The following CCDC74A variants were observed in gnomAD, a reference collection of about 807,000 sequenced individuals.
CCDC74A encodes coiled-coil domain-containing protein 74A.
Under a neutral mutation model 37.6 loss-of-function variants are expected in CCDC74A, and 38 were observed. That is an observed-to-expected ratio of 1.01 (90% CI 0.78 to 1.33). CCDC74A has a LOEUF of 1.33. Ranked by LOEUF, CCDC74A falls within the 40% of genes most tolerant of loss-of-function variation. The probability of loss-of-function intolerance (pLI) is 0.00; values close to 1 mark genes in which losing one functional copy is unlikely to be tolerated. For synonymous variants in CCDC74A, 134 were observed against 165.2 expected (o/e 0.81, Z 1.45); for missense variants, 340 against 403.4 (o/e 0.84, Z 1.35).
In CCDC74A at chr2:131,533,350, G is replaced by A. The variant is rs143761046; in HGVS notation, c.891G>A (p.Lys297=). The A allele has an allele frequency of 1.1e-4, 170 of 1,613,558 alleles. 3 individuals are homozygous for A. The Middle Eastern group carries it at 2.9e-3, about 27-fold the overall frequency. Residue 297 remains lysine (K), a synonymous_variant, in exon 8 of 8, where the codon AAG becomes AAA. Transcript: ENST00000409856. ...TPKNNFAERQ[K]RLQAMQKRRL... The stretch of plus-strand genomic sequence containing the variant: ...AGAACAACTTTGCCGAGAGGCAGAA[G>A]AGGCTGCAGGCAATGCAGAAACGGC...
chr2:131,527,175 T>C (rs887799200), upstream of CCDC74A, among the ~76,000 whole-genome samples: 16 of 152,102 alleles, frequency 1.1e-4, no homozygotes, highest in Admixed American at 2.6e-4. Context: ...AATGGCGCGA[T>C]CTTGGCTCAC....
chr2:131,531,091 G>A (rs1049516408), intron 3 of CCDC74A, among the ~76,000 whole-genome samples: 4 of 152,138 alleles, frequency 2.6e-5, no homozygotes, highest in African/African-American at 7.2e-5. Context: ...AGGCAGGAGG[G>A]GCCTCCCCGG....
chr2:131,525,592 G>A (rs541909939), upstream of CCDC74A, among the ~76,000 whole-genome samples: 7 of 152,116 alleles, frequency 4.6e-5, no homozygotes, highest in East Asian at 1.3e-3. Context: ...CTGTTGCTCG[G>A]GATGGAGTGC....
intron 1 of CCDC74A, chr2:131,528,704 G>T: frequency 2.5e-6 from 1 of 396,426 alleles, no homozygotes; most frequent in Non-Finnish European, 4.8e-6. Flanking sequence ...CCAGCTACTC[G>T]GGAGGCTGAA....
upstream of CCDC74A, among the ~76,000 whole-genome samples, chr2:131,526,097 T>G (rs1680302559): frequency 6.6e-6 from 1 of 151,374 alleles, no homozygotes; most frequent in East Asian, 1.9e-4. Flanking sequence ...ATTAGAGGTG[T>G]GAGCCACTGT....
Position 131,532,790 on chromosome 2 carries a change from C to T in CCDC74A, c.678+9C>T, listed in dbSNP as rs748861919. On this transcript the variant is annotated intron_variant, in intron 5 of 7. Coordinates refer to ENST00000409856, the MANE Select transcript of CCDC74A (RefSeq NM_001258306.3). ...TCCTGCAGACCCAAGAGGTGAGGCC[C>T]TGGGTGGTGGGGGTGGCCCTGGGCA... 2 of 1,613,258 alleles carry T rather than the reference C, an allele frequency of 1.2e-6. No homozygotes were observed. The highest frequency in any genetic ancestry group is 2.7e-5 in the African/African-American group (2 of 75,020).
At chr2:131,530,349 T>C in intron 2 of CCDC74A, 1 of 1,545,898 alleles carries the variant, frequency 6.5e-7, no homozygotes, top group Non-Finnish European at 8.7e-7. Flanking sequence ...ACATCGCAGC[T>C]GGGGCAGTGC....
chr2:131,529,825 G>A, intron 2 of CCDC74A, 134 bp downstream of exon 2: 2 of 1,530,014 alleles, frequency 1.3e-6, no homozygotes, highest in East Asian at 4.6e-5. Context: ...GGGGGACCTG[G>A]ACAGATGCCG....
At chr2:131,527,853 G>A (rs183175490), upstream of CCDC74A, 150 of 1,393,828 alleles carry the variant, frequency 1.1e-4, no homozygotes, top group African/African-American at 2.1e-3. Flanking sequence ...CCCCGCCCCC[G>A]CCAACCGCCT....
upstream of CCDC74A, among the ~76,000 whole-genome samples, chr2:131,525,603 A>T (rs915253019): frequency 4.6e-5 from 7 of 151,960 alleles, no homozygotes; most frequent in South Asian, 1.5e-3. Flanking sequence ...GATGGAGTGC[A>T]GTGGCAGGAT....
upstream of CCDC74A, among the ~76,000 whole-genome samples, chr2:131,525,426 C>T (rs895409773): frequency 4.6e-5 from 7 of 152,166 alleles, no homozygotes; most frequent in African/African-American, 1.4e-4. Context: ...CTATATTGCC[C>T]AGGCTGGTCT....
upstream of CCDC74A, among the ~76,000 whole-genome samples, chr2:131,526,899 TA>T (rs555952482): frequency 1.1e-4 from 16 of 152,210 alleles, no homozygotes; most frequent in East Asian, 3.1e-3. Flanking sequence ...TATCCCCTGT[TA>T]TTATACAGGA....
rs1681422871 is a variant in CCDC74A, at chr2:131,532,067, G to GC, written c.485+269dup. Among the ~76,000 whole-genome samples the GC allele has an allele frequency of 5.3e-5, 8 of 150,920 alleles. No individual in the cohort carries two copies. The South Asian group carries it at 1.7e-3, about 32-fold the overall frequency. On this transcript the variant is annotated intron_variant, in intron 4 of 7. Transcript: ENST00000409856. Reference sequence around the variant, plus strand: ...GAGCCCACGAGGGGGGCCAGTAGCAGCCCCTAAACCACTTCCTCAGAGAAA... The same window carrying GC: ...GAGCCCACGAGGGGGGCCAGTAGCAGCCCCCTAAACCACTTCCTCAGAGAAA...
rs1457118986 is a variant in CCDC74A at position 131,528,026 on chromosome 2, G to A, written c.56G>A (p.Gly19Asp). The change falls in exon 1 of 8, where the codon GGC becomes GAC. Residue 19 changes from glycine (G) to aspartate (D), a missense_variant. Coordinates refer to ENST00000409856, the MANE Select transcript of CCDC74A (RefSeq NM_001258306.3). The part of the protein sequence containing the change: ...GTRPPSSPTP[G>D]SRRRRQRPSV... ...CGGCCCCCCAGCTCGCCGACCCCGGGCTCTCGGCGCCGGCGCCAGCGCCCC... is the reference window on the plus strand; with the variant it reads ...CGGCCCCCCAGCTCGCCGACCCCGGACTCTCGGCGCCGGCGCCAGCGCCCC... The A allele has an allele frequency of 4.7e-6, 7 of 1,491,128 alleles. No homozygotes were observed. Among genetic ancestry groups the A allele is most frequent in the Admixed American group, 5.2e-5 (2 of 38,390 alleles). The allele number at this position is 1,491,128 out of a possible 1,614,324, so 92.4% of individuals were successfully genotyped here. A position where few individuals can be genotyped will look rare whatever the true frequency, so the allele number is the denominator to read the frequency against.
chr2:131,532,040 C>G, intron 4 of CCDC74A, among the ~76,000 whole-genome samples: 1 of 150,478 alleles, frequency 6.6e-6, no homozygotes, highest in East Asian at 1.9e-4. Flanking sequence ...CTGTGCTGAC[C>G]TGAGCCCACG....
Position 131,530,620 on chromosome 2 carries a change from T to G in CCDC74A, c.296-157T>G, listed in dbSNP as rs1443608522. 2.5e-6 allele frequency: 4 copies of G among 1,611,382 alleles called. No individual in the cohort carries two copies. The Admixed American group carries it at 6.7e-5, about 27-fold the overall frequency. ...CCACCTTTCCAGGGCCTCTGCTCCCTTGGGCGCTCGCTGGGTCTGCATCAA... is the reference window on the plus strand; with the variant it reads ...CCACCTTTCCAGGGCCTCTGCTCCCGTGGGCGCTCGCTGGGTCTGCATCAA... On this transcript the variant is annotated intron_variant, in intron 2 of 7. Coordinates refer to ENST00000409856, the MANE Select transcript of CCDC74A (RefSeq NM_001258306.3).
At chr2:131,524,924 G>T (rs958388103), upstream of CCDC74A, among the ~76,000 whole-genome samples, 2 of 150,426 alleles carry the variant, frequency 1.3e-5, no homozygotes, top group African/African-American at 4.9e-5. Flanking sequence ...AGCCAGGCAT[G>T]GTGGTGTGTG....
chr2:131,524,788 C>G (rs1432412233), upstream of CCDC74A, among the ~76,000 whole-genome samples: 2 of 149,278 alleles, frequency 1.3e-5, no homozygotes, highest in Non-Finnish European at 3.0e-5. Flanking sequence ...ATACCAGGCA[C>G]AGTGGCTCAT....
chr2:131,526,751 G>A (rs1295558137), upstream of CCDC74A, among the ~76,000 whole-genome samples: 7 of 152,136 alleles, frequency 4.6e-5, no homozygotes, highest in Non-Finnish European at 7.3e-5. Context: ...TAGGGGTTGC[G>A]CCATGTGTTC....
Sources: gnomAD v4.1 joint callset for allele counts (sites outside exome capture counted in the v4.1 genomes callset) on GRCh38, gnomAD v4.1.1 for gene constraint, MANE v1.5 for transcripts, NCBI Gene and HGNC (gene_info 2026-07-23, HGNC 2026-07-21) for gene names.